The following KLF13 variants were observed in gnomAD, a reference collection of about 807,000 sequenced individuals.
The protein encoded by KLF13 is KLF transcription factor 13.
A neutral mutation model predicts 16.7 loss-of-function variants in KLF13; 8 were observed. The ratio of observed to expected loss-of-function variants is 0.48; its 90% CI spans 0.28 to 0.87. The LOEUF (loss-of-function observed/expected upper bound fraction) is 0.87. KLF13 is among the 40% of genes least tolerant of loss of function. KLF13 has a pLI of 0.10. For synonymous variants in KLF13, 245 were observed against 208.4 expected (o/e 1.18, Z -1.51); for missense variants, 447 against 452.2 (o/e 0.99, Z 0.10).
Position 31,372,348 on chromosome 15 carries a change from G to GC in KLF13, c.*51dup, listed in dbSNP as rs1418526386. On this transcript the variant is annotated 3_prime_UTR_variant, in exon 2 of 2. Transcript: ENST00000307145. ...GCTCCCACCCCCTCGTGAGTCCCTG[G>GC]CCTTTCCTTTTGTAATAAGAAAGAA... The GC allele has an allele frequency of 1.4e-6, 2 of 1,401,242 alleles. No homozygotes were observed. The highest frequency in any genetic ancestry group is 1.6e-5 in the South Asian group (1 of 62,194). 86.8% of individuals were successfully genotyped at this position (1,401,242 alleles called of 1,614,324 possible). A position where few individuals can be genotyped will look rare whatever the true frequency, so the allele number is the denominator to read the frequency against.
intron 1 of KLF13, among the ~76,000 whole-genome samples, chr15:31,333,438 C>T (rs1243693873): frequency 4.6e-5 from 7 of 152,158 alleles, no homozygotes; most frequent in Non-Finnish European, 1.0e-4. Flanking sequence ...CAGCACACGG[C>T]TTCCCGCACA....
upstream of KLF13, among the ~76,000 whole-genome samples, chr15:31,390,538 A>C (rs2039849096): frequency 6.6e-6 from 1 of 152,190 alleles, no homozygotes; most frequent in African/African-American, 2.4e-5. Flanking sequence ...ACCATCTTCG[A>C]AATCTGTCAA....
chr15:31,347,207 G>C (rs187102947), intron 1 of KLF13, among the ~76,000 whole-genome samples: 1 of 152,192 alleles, frequency 6.6e-6, no homozygotes, highest in Non-Finnish European at 1.5e-5. Context: ...CCAGAAAAAG[G>C]CTTCTTTGGC....
chr15:31,328,172 C>G lies in KLF13; in HGVS notation c.577+383C>G, dbSNP rs1421525223. 2.0e-5 allele frequency among the ~76,000 whole-genome samples: 3 copies of G among 150,006 alleles called. No individual in the cohort carries two copies. The South Asian group carries it at 6.3e-4, about 31-fold the overall frequency. ...GCAGGCGGCACTCGTGACGGTGGGG[C>G]GCCCGGAGCGGGGGCAGGGGACGCT... On this transcript the variant is annotated intron_variant, in intron 1 of 1. Coordinates refer to ENST00000307145, the MANE Select transcript of KLF13 (RefSeq NM_015995.4).
At chr15:31,381,045 G>T (rs7172678), downstream of KLF13, among the ~76,000 whole-genome samples, 7 of 151,830 alleles carry the variant, frequency 4.6e-5, no homozygotes, top group Non-Finnish European at 1.0e-4. Flanking sequence ...GGTGGCGGGT[G>T]CCTGTAATCC....
rs531789137 is a variant in KLF13 at position 31,364,371 on chromosome 15, C to T, written c.578-7639C>T. On this transcript the variant is annotated intron_variant, in intron 1 of 1. Coordinates refer to ENST00000307145, the MANE Select transcript of KLF13 (RefSeq NM_015995.4). Reference sequence around the variant, plus strand: ...GGCAGTCTCCAGCCAGGCTTCAGCACCCTGCCAGCTCTTGCATGTGAAGAG... The same window carrying T: ...GGCAGTCTCCAGCCAGGCTTCAGCATCCTGCCAGCTCTTGCATGTGAAGAG... Among the ~76,000 whole-genome samples, 85 of 152,354 alleles carry T rather than the reference C, an allele frequency of 5.6e-4. 1 individual carries two copies. The highest frequency in any genetic ancestry group is 2.0e-3 in the African/African-American group (82 of 41,582).
chr15:31,392,914 A>T (rs2039894774), exon 1 of KLF13: 1 of 148,092 alleles, frequency 6.8e-6, no homozygotes, highest in Non-Finnish European at 1.5e-5. Context: ...GTCCGGCTCC[A>T]GCCAGGTCCG....
At chr15:31,397,765 ACAT>A (rs113213322) in intron 2 of KLF13, among the ~76,000 whole-genome samples, 38 of 151,986 alleles carry the variant, frequency 2.5e-4, no homozygotes, top group African/African-American at 8.0e-4. Context: ...AGCTCCTGGC[ACAT>A]CATAAATGTC....
intron 1 of KLF13, among the ~76,000 whole-genome samples, chr15:31,413,747 G>GA (rs1192516747): frequency 6.2e-4 from 95 of 152,288 alleles, no homozygotes; most frequent in African/African-American, 2.2e-3. Context: ...TCTTCAGGTT[G>GA]AAAACAAGTT....
At chr15:31,361,296 C>T (rs965488596) in intron 1 of KLF13, among the ~76,000 whole-genome samples, 1 of 152,064 alleles carries the variant, frequency 6.6e-6, no homozygotes. Flanking sequence ...GAATGTCTTT[C>T]TTCCCGGTGT....
At chr15:31,332,710 TC>T (rs1212813634) in intron 1 of KLF13, among the ~76,000 whole-genome samples, 1 of 152,204 alleles carries the variant, frequency 6.6e-6, no homozygotes, top group Non-Finnish European at 1.5e-5. Context: ...TCCTGTGTGC[TC>T]CCACTTTACA....
chr15:31,357,641 C>T (rs1286584608), intron 1 of KLF13, among the ~76,000 whole-genome samples: 8 of 152,198 alleles, frequency 5.3e-5, no homozygotes, highest in Non-Finnish European at 1.0e-4. Context: ...CTACTCTGAG[C>T]TGGGTCTGGA....
chr15:31,394,870 T>C (rs2039933853), intron 2 of KLF13, among the ~76,000 whole-genome samples: 1 of 152,250 alleles, frequency 6.6e-6, no homozygotes, highest in African/African-American at 2.4e-5. Context: ...ATATCTCATA[T>C]AAATGTAATC....
rs138773946 is a variant in KLF13 at position 31,366,903 on chromosome 15, T to C, written c.578-5107T>C. Among the ~76,000 whole-genome samples, 1,048 of 152,356 alleles carry C rather than the reference T, an allele frequency of 6.9e-3. 5 individuals are homozygous for C. Among genetic ancestry groups the C allele is most frequent in the Non-Finnish European group, 0.011 (735 of 68,028 alleles). On this transcript the variant is annotated intron_variant, in intron 1 of 1. Coordinates refer to ENST00000307145, the MANE Select transcript of KLF13 (RefSeq NM_015995.4). ...TTTCATAACAATAGCACTGTTTGCC[T>C]CATTCTCCCAAAAGAGTACAGTAGG...
At chr15:31,391,820 C>T (rs979668674), upstream of KLF13, among the ~76,000 whole-genome samples, 2 of 152,078 alleles carry the variant, frequency 1.3e-5, no homozygotes, top group Admixed American at 1.3e-4. Flanking sequence ...AGGCGGAGCC[C>T]GGCGGGAGGC....
At chr15:31,424,708 A>G (rs1298789283) in intron 1 of KLF13, among the ~76,000 whole-genome samples, 1 of 152,200 alleles carries the variant, frequency 6.6e-6, no homozygotes, top group African/African-American at 2.4e-5. Context: ...CTCTAAGGTT[A>G]GGGACAAGGC....
chr15:31,432,524 C>T (rs966204924), intron 1 of KLF13, among the ~76,000 whole-genome samples: 18 of 150,896 alleles, frequency 1.2e-4, no homozygotes, highest in Middle Eastern at 3.4e-3. Flanking sequence ...TCACCGCTCA[C>T]TGGAGCCTCA....
At chr15:31,393,529 C>G (rs952746018) in intron 1 of KLF13, 2 of 152,020 alleles carry the variant, frequency 1.3e-5, no homozygotes, top group Non-Finnish European at 2.9e-5. Context: ...CCTTGTCCCT[C>G]GGTCCTCCCA....
At chr15:31,365,649 G>A (rs1297543803) in intron 1 of KLF13, among the ~76,000 whole-genome samples, 1 of 152,104 alleles carries the variant, frequency 6.6e-6, no homozygotes, top group Non-Finnish European at 1.5e-5. Context: ...GGTTGGGGGG[G>A]AGTTTGGCTA....
Sources: allele counts gnomAD v4.1 joint callset (sites outside exome capture counted in the v4.1 genomes callset), GRCh38; gene constraint gnomAD v4.1.1; transcripts MANE v1.5; gene names NCBI Gene and HGNC (gene_info 2026-07-23, HGNC 2026-07-21).